KBTBD11: variants seen among roughly 807,000 people sequenced by gnomAD.
The protein encoded by KBTBD11 is kelch repeat and BTB domain containing 11, also known as kelch repeat and BTB domain-containing protein 11.
For missense variants in KBTBD11, 1,390 were observed against 1,001.8 expected (o/e 1.39, Z -5.23); for synonymous variants, 747 against 499.0 (o/e 1.50, Z -6.63).
At chr8:2,000,086 G>A (rs890876924) in intron 1 of KBTBD11, among the ~76,000 whole-genome samples, 199 bp from the exon 2 acceptor site, 5 of 151,976 alleles carry the variant, frequency 3.3e-5, no homozygotes, top group Admixed American at 6.6e-5. Flanking sequence ...ATATCGAGAG[G>A]GTACTTTAAA....
Position 2,002,531 on chromosome 8 carries a change from G to A in KBTBD11, c.1339G>A (p.Ala447Thr). The change falls in exon 2 of 2, where the codon GCC (alanine) becomes ACC (threonine). Residue 447 changes from alanine to threonine, a missense_variant. Physicochemically the swap from Ala to Thr is moderately conservative, Grantham distance 58. Transcript: ENST00000320248. This position sits in a 1 kb window ranked among gnomAD's most constrained non-coding sequence, Gnocchi z 4.1. ...PVAPLPRGAF[A>T]VAHEATTCHG... ...GGCGCCGCTGCCCCGGGGCGCCTTC[G>A]CCGTGGCGCATGAGGCCACCACCTG... 1 of 1,546,848 alleles carries A rather than the reference G, an allele frequency of 6.5e-7. No homozygotes were observed. The highest frequency in any genetic ancestry group is 8.6e-7 in the Non-Finnish European group (1 of 1,157,624).
chr8:2,001,335 A>G lies in KBTBD11; in HGVS notation c.143A>G (p.Glu48Gly). 6.6e-7 allele frequency: 1 copy of G among 1,511,620 alleles called. No homozygotes were observed. Among genetic ancestry groups the G allele is most frequent in the Non-Finnish European group, 8.8e-7 (1 of 1,137,626 alleles). 93.6% of individuals were successfully genotyped at this position (1,511,620 alleles called of 1,614,324 possible). Residue 48 changes from glutamate (E) to glycine (G), a missense_variant, in exon 2 of 2, where the codon GAG becomes GGG. Coordinates refer to ENST00000320248, the MANE Select transcript of KBTBD11 (RefSeq NM_014867.3). Reference sequence around the variant, plus strand: ...TCCCTGTGCTTCAGCTCCGGGGAAGAGTCCCCGCCGCAGTCCCTCGCCTCA... The same window carrying G: ...TCCCTGTGCTTCAGCTCCGGGGAAGGGTCCCCGCCGCAGTCCCTCGCCTCA... ...GASLCFSSGE[E>G]SPPQSLASAA...
At chr8:1,996,935 A>T (rs1446299470) in intron 1 of KBTBD11, among the ~76,000 whole-genome samples, 1 of 152,164 alleles carries the variant, frequency 6.6e-6, no homozygotes, top group Admixed American at 6.5e-5. Flanking sequence ...TTTATATTTA[A>T]TTAGCCCTTG....
chr8:2,001,724 G>C lies in KBTBD11; in HGVS notation c.532G>C (p.Gly178Arg). Residue 178 changes from glycine (G) to arginine (R), a missense_variant, in exon 2 of 2, where the codon GGA (glycine) becomes CGA (arginine). Physicochemically the swap from Gly to Arg is moderately radical, Grantham distance 125. Transcript: ENST00000320248. Reference sequence around the variant, plus strand: ...GTCGCGGGACGTGCTGCGGGTGCAGGGAGTGAGCCTGACGGCGCTGCGGCT... The same window carrying C: ...GTCGCGGGACGTGCTGCGGGTGCAGCGAGTGAGCCTGACGGCGCTGCGGCT... ...RASRDVLRVQ[G>R]VSLTALRLLL... is the part of the protein sequence containing the mutation. 2 of 1,387,522 alleles carry C rather than the reference G, an allele frequency of 1.4e-6. No individual in the cohort carries two copies. Among genetic ancestry groups the C allele is most frequent in the Non-Finnish European group, 1.9e-6 (2 of 1,074,088 alleles). The allele number at this position is 1,387,522 out of a possible 1,614,324, so 86.0% of individuals were successfully genotyped here.
Position 2,003,951 on chromosome 8 carries a change from G to C in KBTBD11, c.*887G>C, listed in dbSNP as rs1203381446. On this transcript the variant is annotated 3_prime_UTR_variant, in exon 2 of 2. Coordinates refer to ENST00000320248, the MANE Select transcript of KBTBD11 (RefSeq NM_014867.3). ...CCCAGCCGCTTTCATAATCTGGAAC[G>C]AGATAAAATATTCCTAAAAAGCGGG... 1 of 166,802 alleles carries C rather than the reference G, an allele frequency of 6.0e-6. No homozygotes were observed. Among genetic ancestry groups the C allele is most frequent in the Non-Finnish European group, 1.5e-5 (1 of 68,108 alleles). The allele number at this position is 166,802 out of a possible 1,614,324, so 10.3% of individuals were successfully genotyped here. A position where few individuals can be genotyped will look rare whatever the true frequency, so the allele number is the denominator to read the frequency against.
At chr8:1,990,098 A>G (rs907253629) in intron 1 of KBTBD11, among the ~76,000 whole-genome samples, 1 of 152,212 alleles carries the variant, frequency 6.6e-6, no homozygotes, top group Non-Finnish European at 1.5e-5. Flanking sequence ...TGGAATGAAG[A>G]CGCTGGTAGA....
chr8:1,974,315 G>C (rs927129949), intron 1 of KBTBD11: 3 of 984,412 alleles, frequency 3.0e-6, no homozygotes, highest in African/African-American at 1.8e-5. Flanking sequence ...TGAGCCGCCC[G>C]CGCCGCGCCC....
At position 2,005,560 on chromosome 8, in the gene KBTBD11, C is replaced by T. The variant is rs529348107; in HGVS notation, c.*2496C>T. 1.2e-5 allele frequency: 2 copies of T among 167,238 alleles called. No individual in the cohort carries two copies. Among genetic ancestry groups the T allele is most frequent in the South Asian group, 4.1e-4 (2 of 4,822 alleles). The allele number at this position is 167,238 out of a possible 1,614,324, so 10.4% of individuals were successfully genotyped here. A position where few individuals can be genotyped will look rare whatever the true frequency, so the allele number is the denominator to read the frequency against. ...CAGAGGCATTGCTGAGACTGCCTGG[C>T]AACGGCTGATGCCCCAGGTAGGACC... On this transcript the variant is annotated 3_prime_UTR_variant, in exon 2 of 2. Coordinates refer to ENST00000320248, the MANE Select transcript of KBTBD11 (RefSeq NM_014867.3).
At chr8:1,990,340 G>A (rs1585739540) in intron 1 of KBTBD11, among the ~76,000 whole-genome samples, 2 of 150,624 alleles carry the variant, frequency 1.3e-5, no homozygotes, top group East Asian at 2.0e-4. Flanking sequence ...TGTCTGGGTA[G>A]ATGCTGGGCC....
intron 1 of KBTBD11, among the ~76,000 whole-genome samples, chr8:1,982,517 A>G (rs1816572355): frequency 6.6e-6 from 1 of 152,156 alleles, no homozygotes; most frequent in South Asian, 2.1e-4. Flanking sequence ...CAAGAGACCC[A>G]CTGGCCTTTG....
At chr8:1,997,787 C>A (rs6997185) in intron 1 of KBTBD11, among the ~76,000 whole-genome samples, 2 of 152,124 alleles carry the variant, frequency 1.3e-5, no homozygotes, top group Non-Finnish European at 2.9e-5. Context: ...AGTGAGAGTG[C>A]GACGCTGTAC....
intron 1 of KBTBD11, among the ~76,000 whole-genome samples, chr8:1,982,556 G>A (rs1402272562): frequency 2.0e-5 from 3 of 152,152 alleles, no homozygotes; most frequent in Non-Finnish European, 2.9e-5. Flanking sequence ...GTGAAGGGAT[G>A]GGAACAGATA....
At chr8:1,978,859 C>T (rs765000979) in intron 1 of KBTBD11, among the ~76,000 whole-genome samples, 1 of 152,148 alleles carries the variant, frequency 6.6e-6, no homozygotes, top group Non-Finnish European at 1.5e-5. Flanking sequence ...GACTTGGGCT[C>T]CAGGAAGTCA....
chr8:1,990,073 G>A (rs1816855245), intron 1 of KBTBD11, among the ~76,000 whole-genome samples: 1 of 152,124 alleles, frequency 6.6e-6, no homozygotes, highest in African/African-American at 2.4e-5. Context: ...TGTGCATTGA[G>A]CATTTTTTCA....
chr8:1,983,945 C>A (rs970810120), intron 1 of KBTBD11, among the ~76,000 whole-genome samples: 1 of 151,946 alleles, frequency 6.6e-6, no homozygotes, highest in Admixed American at 6.6e-5. Flanking sequence ...GCCTGGCCAA[C>A]AAGGTGAAGC....
intron 1 of KBTBD11, chr8:1,974,262 AC>A: frequency 1.7e-5 from 17 of 977,566 alleles, no homozygotes; most frequent in South Asian, 4.7e-5. Flanking sequence ...CGGGGTCTCC[AC>A]AGGCCCTCCC....
In KBTBD11 at chr8:1,973,687, C is replaced by A. The variant is rs1816198015; in HGVS notation, c.-1157C>A. The stretch of plus-strand genomic sequence containing the variant: ...CCCGCCCCCCTCCCCGCGCCCCGCG[C>A]GCGCCCCTCGCAGCCTGGAGCCGGA... On this transcript the variant is annotated 5_prime_UTR_variant, in exon 1 of 2. Coordinates refer to ENST00000320248, the MANE Select transcript of KBTBD11 (RefSeq NM_014867.3). The A allele has an allele frequency of 1.0e-6, 1 of 983,392 alleles. No individual in the cohort carries two copies. Among genetic ancestry groups the A allele is most frequent in the South Asian group, 4.7e-5 (1 of 21,284 alleles). 60.9% of individuals were successfully genotyped at this position (983,392 alleles called of 1,614,324 possible). A position where few individuals can be genotyped will look rare whatever the true frequency, so the allele number is the denominator to read the frequency against.
chr8:2,003,440 G>T lies in KBTBD11; in HGVS notation c.*376G>T. 4.9e-6 allele frequency: 1 copy of T among 204,562 alleles called. No homozygotes were observed. Among genetic ancestry groups the T allele is most frequent in the East Asian group, 1.2e-4 (1 of 8,230 alleles). The allele number at this position is 204,562 out of a possible 1,614,324, so 12.7% of individuals were successfully genotyped here. On this transcript the variant is annotated 3_prime_UTR_variant, in exon 2 of 2. Coordinates refer to ENST00000320248, the MANE Select transcript of KBTBD11 (RefSeq NM_014867.3). ...ACCGAGGCTGTGCGCAGGAGCCTGG[G>T]ACCCTCAAGTAGGTCGCCGCGAACT...
In KBTBD11 at chr8:2,003,460, C is replaced by T. The variant is rs530514769; in HGVS notation, c.*396C>T. On this transcript the variant is annotated 3_prime_UTR_variant, in exon 2 of 2. Transcript: ENST00000320248. ...CCTGGGACCCTCAAGTAGGTCGCCGCGAACTATCGGGGGAAGCACGCAGAG... is the reference window on the plus strand; with the variant it reads ...CCTGGGACCCTCAAGTAGGTCGCCGTGAACTATCGGGGGAAGCACGCAGAG... 15 of 192,744 alleles carry T rather than the reference C, an allele frequency of 7.8e-5. No individual in the cohort carries two copies. Among genetic ancestry groups the T allele is most frequent in the Middle Eastern group, 2.2e-3 (1 of 456 alleles). 11.9% of individuals were successfully genotyped at this position (192,744 alleles called of 1,614,324 possible). A position where few individuals can be genotyped will look rare whatever the true frequency, so the allele number is the denominator to read the frequency against.
Sources: gnomAD v4.1 joint callset for allele counts (sites outside exome capture counted in the v4.1 genomes callset) on GRCh38, gnomAD v4.1.1 for gene constraint, Gnocchi (gnomAD v3.1) non-coding constraint, MANE v1.5 for transcripts, NCBI Gene and HGNC (gene_info 2026-07-23, HGNC 2026-07-21) for gene names.